The following OTOGL variants were observed in gnomAD, a reference collection of about 807,000 sequenced individuals.
OTOGL encodes otogelin like, also known as otogelin-like protein.
In OTOGL, 285 loss-of-function variants were observed where a neutral mutation model predicts 318.5. The ratio of observed to expected loss-of-function variants is 0.89; its 90% CI spans 0.81 to 0.99. The LOEUF (loss-of-function observed/expected upper bound fraction) is 0.99, where lower values mean the gene tolerates loss of function less well. Ranked by LOEUF, OTOGL falls within the 50% of genes least tolerant of loss-of-function variation. The pLI, the probability that OTOGL is intolerant of heterozygous loss-of-function variation, is 0.00. For synonymous variants in OTOGL, 987 were observed against 936.5 expected, an observed-to-expected ratio of 1.05 and a Z score of -0.99; for missense variants, 2,899 against 2,845.6, an observed-to-expected ratio of 1.02 and a Z score of -0.43.
At chr12:80,372,693 G>T (rs2443188) in intron 57 of OTOGL, among the ~76,000 whole-genome samples, 142,316 of 150,454 alleles carry the variant, frequency 0.95, 67,370 homozygotes, top group East Asian at 1. Flanking sequence ...CATAGTAATT[G>T]TTTTTTTTTT....
rs756699478 is a variant in OTOGL, at chr12:80,368,195, T to C, written c.6511-10T>C. On this transcript the variant is annotated splice_polypyrimidine_tract_variant and intron_variant, in intron 54 of 58. Coordinates refer to ENST00000547103, the MANE Select transcript of OTOGL (RefSeq NM_001378609.3). ...ATATGGTGTCGCTAATCTAATATCA[T>C]TATATGCAGCACCAGGTATATACTC... 2.6e-6 allele frequency: 4 copies of C among 1,556,004 alleles called. No individual in the cohort carries two copies. In the South Asian group the frequency reaches 4.6e-5, roughly 18 times the overall value.
intron 1 of OTOGL, among the ~76,000 whole-genome samples, chr12:80,171,950 C>T (rs900788941): frequency 7.2e-5 from 11 of 152,014 alleles, no homozygotes; most frequent in Non-Finnish European, 1.5e-4. Flanking sequence ...TAGTATCTTA[C>T]GGTGAAAATT....
chr12:80,358,809 A>G (rs1344935271), intron 51 of OTOGL, 34 bp downstream of exon 51: 2 of 1,561,542 alleles, frequency 1.3e-6, no homozygotes, highest in Non-Finnish European at 1.7e-6. Flanking sequence ...GTTTCATTAT[A>G]ATAAGTTAAT....
At chr12:80,374,747 CCA>C (rs1026800427) in intron 57 of OTOGL, among the ~76,000 whole-genome samples, 1 of 151,896 alleles carries the variant, frequency 6.6e-6, no homozygotes, top group African/African-American at 2.4e-5. Context: ...TTCTATATCC[CCA>C]TGTTAATTAT....
intron 4 of OTOGL, 26 bp downstream of exon 4, chr12:80,212,023 G>A: frequency 4.5e-6 from 7 of 1,546,886 alleles, no homozygotes; most frequent in Non-Finnish European, 5.2e-6. Flanking sequence ...GGTGGAGAGA[G>A]AGGCAGAGAA....
At chr12:80,260,188 A>G (rs2137538209) in intron 18 of OTOGL, among the ~76,000 whole-genome samples, 1 of 152,188 alleles carries the variant, frequency 6.6e-6, no homozygotes, top group South Asian at 2.1e-4. Flanking sequence ...GGGAACTGGC[A>G]TTTAAAATTT....
intron 1 of OTOGL, among the ~76,000 whole-genome samples, chr12:80,175,646 TTTTTTTTCCCCAGTAACC>T (rs1441137350): frequency 6.6e-6 from 1 of 151,998 alleles, no homozygotes; most frequent in Non-Finnish European, 1.5e-5. Context: ...CACTGAGCTC[TTTTTTTTCCCCAGTAACC>T]TGTGTCAGAC....
intron 56 of OTOGL, 141 bp from the exon 57 acceptor site, chr12:80,371,878 T>C (rs1890893336): frequency 4.6e-6 from 2 of 438,202 alleles, no homozygotes; most frequent in South Asian, 7.1e-5. Flanking sequence ...TTTTTAGTAA[T>C]AGTTAAATTC....
At chr12:80,178,690 A>T (rs1389012973) in intron 1 of OTOGL, among the ~76,000 whole-genome samples, 1 of 152,142 alleles carries the variant, frequency 6.6e-6, no homozygotes, top group Non-Finnish European at 1.5e-5. Context: ...CCTGATGTAC[A>T]GTATCTGAGT....
intron 1 of OTOGL, among the ~76,000 whole-genome samples, chr12:80,116,216 G>A (rs1017608966): frequency 1.6e-4 from 25 of 152,164 alleles, no homozygotes; most frequent in Admixed American, 1.5e-3. Flanking sequence ...TGTGGGTTAC[G>A]AAGACTGTGG....
intron 38 of OTOGL, 117 bp from the exon 39 acceptor site, chr12:80,335,846 C>A: frequency 1.1e-6 from 1 of 913,328 alleles, no homozygotes; most frequent in Non-Finnish European, 1.5e-6. Flanking sequence ...CTTTATCTTT[C>A]AAAAGTTTTT....
chr12:80,223,042 C>T (rs1878504253), intron 7 of OTOGL, among the ~76,000 whole-genome samples: 1 of 152,016 alleles, frequency 6.6e-6, no homozygotes, highest in African/African-American at 2.4e-5. Flanking sequence ...CACCCCCCAG[C>T]CTTTCCCCTT....
At chr12:80,191,858 G>A (rs1001389189) in intron 1 of OTOGL, among the ~76,000 whole-genome samples, 1 of 152,176 alleles carries the variant, frequency 6.6e-6, no homozygotes, top group African/African-American at 2.4e-5. Context: ...AGAGACTGCT[G>A]TACCAGCTTT....
intron 53 of OTOGL, 90 bp from the exon 54 acceptor site, chr12:80,367,471 G>A: frequency 9.5e-7 from 1 of 1,056,214 alleles, no homozygotes; most frequent in African/African-American, 1.7e-5. Context: ...ACATCGCAAT[G>A]AAAACATAGA....
At chr12:80,123,650 A>T (rs1349139875) in intron 1 of OTOGL, among the ~76,000 whole-genome samples, 2 of 152,150 alleles carry the variant, frequency 1.3e-5, no homozygotes, top group African/African-American at 4.8e-5. Context: ...TTATAGTCCC[A>T]CCAACAGTGT....
rs557075704 is a variant in OTOGL, at chr12:80,238,935, C to T, written c.902C>T (p.Ser301Leu). Reference protein sequence around the residue: ...PDDTKCVLTPSDFPNPCSSGM... With the variant: ...PDDTKCVLTPLDFPNPCSSGM... Reference sequence around the variant, plus strand: ...GACACCAAATGTGTACTCACACCCTCAGATTTTCCAAATCCGTGCTCCAGT... The same window carrying T: ...GACACCAAATGTGTACTCACACCCTTAGATTTTCCAAATCCGTGCTCCAGT... The change falls in exon 10 of 59, where the codon TCA (serine) becomes TTA (leucine). Residue 301 changes from serine (S) to leucine (L), a missense_variant. Physicochemically the swap from Ser to Leu is moderately radical, Grantham distance 145. Transcript: ENST00000547103. The T allele has an allele frequency of 6.3e-6, 10 of 1,596,826 alleles. No homozygotes were observed. Among genetic ancestry groups the T allele is most frequent in the South Asian group, 4.4e-5 (4 of 90,334 alleles).
chr12:80,165,375 A>G (rs1873767998), intron 1 of OTOGL, among the ~76,000 whole-genome samples: 1 of 152,278 alleles, frequency 6.6e-6, no homozygotes, highest in Middle Eastern at 3.4e-3. Context: ...TGTGCAAAGT[A>G]TTATATCTGA....
At chr12:80,366,454 C>G in intron 52 of OTOGL, 120 bp from the exon 53 acceptor site, 2 of 436,188 alleles carry the variant, frequency 4.6e-6, no homozygotes, top group Admixed American at 5.3e-5. Context: ...TAGATGTTAT[C>G]ACTGAGTATG....
intron 57 of OTOGL, 92 bp from the exon 58 acceptor site, chr12:80,377,031 C>T: frequency 7.7e-6 from 6 of 775,480 alleles, no homozygotes; most frequent in Non-Finnish European, 1.2e-5. Flanking sequence ...ATAAATACAC[C>T]AATTTTCAAC....
Sources: gnomAD v4.1 joint callset for allele counts (sites outside exome capture counted in the v4.1 genomes callset) on GRCh38, gnomAD v4.1.1 for gene constraint, MANE v1.5 for transcripts, NCBI Gene and HGNC (gene_info 2026-07-23, HGNC 2026-07-21) for gene names.